Variants in TRPS1 observed in about 807,000 individuals in gnomAD.
The protein encoded by TRPS1 is zinc finger transcription factor Trps1.
Under a neutral mutation model 101.2 loss-of-function variants are expected in TRPS1, and 6 were observed. That is an observed-to-expected ratio of 0.06 (90% CI 0.03 to 0.12). The LOEUF (loss-of-function observed/expected upper bound fraction) is 0.12, where lower values mean the gene tolerates loss of function less well. Ranked by LOEUF, TRPS1 falls within the 10% of genes least tolerant of loss-of-function variation. TRPS1 has a pLI of 1.00. For synonymous variants in TRPS1, 578 were observed against 589.8 expected (o/e 0.98, Z 0.29); for missense variants, 1,363 against 1,567.0 (o/e 0.87, Z 2.20).
At chr8:115,459,014 A>G (rs1482134497) in intron 5 of TRPS1, among the ~76,000 whole-genome samples, 2 of 152,172 alleles carry the variant, frequency 1.3e-5, no homozygotes, top group African/African-American at 2.4e-5. Flanking sequence ...AAAAAAATAA[A>G]TTTTGTTCAC....
intron 5 of TRPS1, among the ~76,000 whole-genome samples, chr8:115,503,245 G>C (rs960795797): frequency 1.1e-5 from 1 of 92,298 alleles, no homozygotes; most frequent in African/African-American, 4.6e-5. Context: ...GGGAGACAGA[G>C]CAAGACTCTG....
intron 1 of TRPS1, among the ~76,000 whole-genome samples, chr8:115,641,970 G>A (rs1264813773): frequency 6.6e-6 from 1 of 152,094 alleles, no homozygotes; most frequent in African/African-American, 2.4e-5. Context: ...CCAGCACTTT[G>A]GGAGACTGAG....
chr8:115,594,612 G>GA (rs5894276), intron 4 of TRPS1, among the ~76,000 whole-genome samples: 152,005 of 152,014 alleles, frequency 1, 75,998 homozygotes, highest in Non-Finnish European at 1. Flanking sequence ...GAACCTCTGT[G>GA]AAAAATGTTA....
intron 5 of TRPS1, among the ~76,000 whole-genome samples, chr8:115,576,302 T>TAGATAC (rs1241938368): frequency 6.9e-6 from 1 of 144,118 alleles, no homozygotes; most frequent in African/African-American, 2.6e-5. Context: ...GATATAGATA[T>TAGATAC]AGATATAGAT....
At chr8:115,556,332 T>G (rs1249772802) in intron 5 of TRPS1, among the ~76,000 whole-genome samples, 2 of 152,114 alleles carry the variant, frequency 1.3e-5, no homozygotes, top group African/African-American at 4.8e-5. Flanking sequence ...TATTCTAAAT[T>G]CTGAACTTTT....
intron 1 of TRPS1, among the ~76,000 whole-genome samples, chr8:115,653,087 CT>C (rs1364891301): frequency 6.6e-6 from 1 of 152,114 alleles, no homozygotes; most frequent in Non-Finnish European, 1.5e-5. Flanking sequence ...GCTATTTTGC[CT>C]TATTTTGATC....
chr8:115,638,974 C>G (rs1345487257), intron 1 of TRPS1, among the ~76,000 whole-genome samples: 4 of 152,168 alleles, frequency 2.6e-5, no homozygotes. Flanking sequence ...CACAAAGTGG[C>G]CACTCTATAT....
intron 5 of TRPS1, among the ~76,000 whole-genome samples, chr8:115,470,632 C>G (rs1554624346): frequency 6.6e-6 from 1 of 152,032 alleles, no homozygotes; most frequent in Non-Finnish European, 1.5e-5. Context: ...ATCTTAGCCG[C>G]AGAAATGGAA....
chr8:115,446,581 T>C (rs771237356), intron 5 of TRPS1, among the ~76,000 whole-genome samples: 1 of 152,158 alleles, frequency 6.6e-6, no homozygotes, highest in Non-Finnish European at 1.5e-5. Flanking sequence ...AGTTCTCCAC[T>C]CTTGGCCTGG....
intron 1 of TRPS1, among the ~76,000 whole-genome samples, chr8:115,660,895 G>A (rs1811777518): frequency 6.6e-6 from 1 of 151,858 alleles, no homozygotes; most frequent in South Asian, 2.1e-4. Context: ...TACAAGCCTG[G>A]CAAATAGCAT....
chr8:115,561,300 T>C (rs1816939451), intron 5 of TRPS1, among the ~76,000 whole-genome samples: 1 of 152,062 alleles, frequency 6.6e-6, no homozygotes, highest in East Asian at 1.9e-4. Context: ...GGCATTTGTA[T>C]GTGCAGTCTG....
intron 4 of TRPS1, among the ~76,000 whole-genome samples, chr8:115,597,170 G>A (rs1017215893): frequency 6.6e-6 from 1 of 151,874 alleles, no homozygotes; most frequent in African/African-American, 2.4e-5. Flanking sequence ...GTTTTCTTCT[G>A]AAAAGTAAAA....
chr8:115,489,970 T>A (rs1181839820), intron 5 of TRPS1, among the ~76,000 whole-genome samples: 1 of 152,066 alleles, frequency 6.6e-6, no homozygotes, highest in Non-Finnish European at 1.5e-5. Flanking sequence ...AAGTTACTGA[T>A]CCTCAATGTC....
Position 115,418,435 on chromosome 8 carries a change from A to T in TRPS1, c.2718T>A (p.Gly906=). The change falls in exon 6 of 7, where the codon GGT becomes GGA. Residue 906 remains glycine (G), a synonymous_variant. Transcript: ENST00000395715. The surrounding 1 kb of genome is among the most constrained non-coding windows in gnomAD (Gnocchi z 4.3). ...TGGTCAGGCAATTGGCACAAAAAAC[A>T]CCGGAGCCTCTACGCCTCTGAAACA... ...QSLLRRRRGS[G]VFCANCLTTK... is the part of the protein sequence containing the mutation. The T allele has an allele frequency of 6.2e-7, 1 of 1,614,146 alleles. No homozygotes were observed. The highest frequency in any genetic ancestry group is 8.5e-7 in the Non-Finnish European group (1 of 1,180,006).
intron 5 of TRPS1, among the ~76,000 whole-genome samples, chr8:115,434,017 A>T (rs1813387837): frequency 6.6e-6 from 1 of 152,150 alleles, no homozygotes; most frequent in South Asian, 2.1e-4. Flanking sequence ...TTTAAAAATG[A>T]TTATTGTATC....
At chr8:115,498,968 C>T (rs1211152838) in intron 5 of TRPS1, among the ~76,000 whole-genome samples, 1 of 152,010 alleles carries the variant, frequency 6.6e-6, no homozygotes, top group African/African-American at 2.4e-5. Flanking sequence ...TTTTAATCTG[C>T]TTATTAAATC....
At chr8:115,423,504 A>G (rs186401336) in intron 5 of TRPS1, among the ~76,000 whole-genome samples, 88 of 152,356 alleles carry the variant, frequency 5.8e-4, no homozygotes, top group African/African-American at 2.0e-3. Context: ...CCAAATAGAT[A>G]TAGAAAATGA....
intron 4 of TRPS1, among the ~76,000 whole-genome samples, chr8:115,592,600 T>C (rs554013590): frequency 2.6e-4 from 39 of 152,280 alleles, no homozygotes; most frequent in Non-Finnish European, 4.3e-4. Flanking sequence ...ATATTATCAG[T>C]TCTAACTGAA....
intron 5 of TRPS1, among the ~76,000 whole-genome samples, chr8:115,483,996 C>T (rs1472683495): frequency 6.6e-6 from 1 of 152,068 alleles, no homozygotes; most frequent in Non-Finnish European, 1.5e-5. Flanking sequence ...CTCATAGTGG[C>T]TTTGTAAAAT....
Sources: allele counts gnomAD v4.1 joint callset (sites outside exome capture counted in the v4.1 genomes callset), GRCh38; gene constraint gnomAD v4.1.1; non-coding constraint Gnocchi (gnomAD v3.1); transcripts MANE v1.5; gene names NCBI Gene and HGNC (gene_info 2026-07-23, HGNC 2026-07-21).